Variants in OTUD7A observed in about 807,000 individuals in gnomAD.
The protein encoded by OTUD7A is OTU deubiquitinase 7A, also known as OTU domain-containing protein 7A.
OTUD7A carries 12 observed loss-of-function variants against 65.7 expected under a neutral mutation model. That is an observed-to-expected ratio of 0.18 (90% CI 0.12 to 0.30). OTUD7A has a LOEUF of 0.30. OTUD7A is among the 10% of genes least tolerant of loss of function. The pLI is 1.00. For missense variants in OTUD7A, 1,148 were observed against 1,304.8 expected (o/e 0.88, Z 1.85); for synonymous variants, 641 against 586.3 (o/e 1.09, Z -1.35).
Position 31,792,437 on chromosome 15 carries a change from T to G in OTUD7A, c.-100+78070A>C, listed in dbSNP as rs542032571. Among the ~76,000 whole-genome samples, 8 of 152,190 alleles carry G rather than the reference T, an allele frequency of 5.3e-5. No individual in the cohort carries two copies. The South Asian group carries it at 1.7e-3, about 32-fold the overall frequency. On this transcript the variant is annotated intron_variant, in intron 1 of 12. Coordinates refer to ENST00000307050, the MANE Select transcript of OTUD7A (RefSeq NM_001382637.1). The stretch of plus-strand genomic sequence containing the variant: ...TGCTCCAGTCCTGCCGCCCTCTCCA[T>G]AGCATCCCTTGCCCTCCCCTCTCCC...
At chr15:31,735,768 C>T (rs1207229120) in intron 1 of OTUD7A, among the ~76,000 whole-genome samples, 1 of 152,138 alleles carries the variant, frequency 6.6e-6, no homozygotes, top group Admixed American at 6.5e-5. Context: ...CCTATATGTT[C>T]ATTAAAGCAC....
chr15:31,603,874 C>A (rs904612451), intron 3 of OTUD7A, among the ~76,000 whole-genome samples: 1 of 152,070 alleles, frequency 6.6e-6, no homozygotes, highest in Non-Finnish European at 1.5e-5. Flanking sequence ...TAGAGAAATG[C>A]AAATCAAAAC....
chr15:31,784,901 G>A (rs1254365724), intron 1 of OTUD7A, among the ~76,000 whole-genome samples: 1 of 152,220 alleles, frequency 6.6e-6, no homozygotes, highest in Admixed American at 6.5e-5. Context: ...AGGGGAAGGT[G>A]TGGAGGCAGA....
At chr15:31,722,843 G>A (rs1595727657) in intron 1 of OTUD7A, among the ~76,000 whole-genome samples, 1 of 152,362 alleles carries the variant, frequency 6.6e-6, no homozygotes, top group East Asian at 1.9e-4. Flanking sequence ...TACACACAGA[G>A]GCCATGGGAT....
chr15:31,805,636 CA>C (rs1896250091), intron 1 of OTUD7A, among the ~76,000 whole-genome samples: 1 of 152,202 alleles, frequency 6.6e-6, no homozygotes, highest in Non-Finnish European at 1.5e-5. Flanking sequence ...CCACTGACAT[CA>C]CATTCAGTGC....
intron 1 of OTUD7A, among the ~76,000 whole-genome samples, chr15:31,747,845 C>A (rs1267978675): frequency 1.3e-5 from 2 of 152,166 alleles, no homozygotes; most frequent in African/African-American, 4.8e-5. Context: ...CACCATACGC[C>A]TTTTTGATGC....
rs114879309 is a variant in OTUD7A at position 31,562,626 on chromosome 15, C to G, written c.332-3439G>C. 3.9e-3 allele frequency among the ~76,000 whole-genome samples: 593 copies of G among 151,996 alleles called. 6 individuals are homozygous for G. The highest frequency in any genetic ancestry group is 0.014 in the African/African-American group (563 of 41,486). ...AAAAAAACAACTTCCACCTTCATGA[C>G]AGTCATTTCTGTGTCTGCGTGTCTT... On this transcript the variant is annotated intron_variant, in intron 4 of 12. Coordinates refer to ENST00000307050, the MANE Select transcript of OTUD7A (RefSeq NM_001382637.1).
At chr15:31,579,233 C>T (rs150642033) in intron 3 of OTUD7A, among the ~76,000 whole-genome samples, 194 of 152,296 alleles carry the variant, frequency 1.3e-3, no homozygotes, top group African/African-American at 4.3e-3. Context: ...GCAGCAGGCC[C>T]ACAGTGCAGG....
At chr15:31,563,142 A>G (rs1260985783) in intron 4 of OTUD7A, among the ~76,000 whole-genome samples, 1 of 152,176 alleles carries the variant, frequency 6.6e-6, no homozygotes, top group African/African-American at 2.4e-5. Flanking sequence ...GATTCTGCCA[A>G]TCTCTCTGGT....
intron 4 of OTUD7A, among the ~76,000 whole-genome samples, chr15:31,569,577 T>C (rs1259958635): frequency 6.6e-6 from 1 of 152,228 alleles, no homozygotes; most frequent in Non-Finnish European, 1.5e-5. Context: ...TATCTCTGTA[T>C]TGTTTCCTTT....
At chr15:31,655,064 T>C (rs756367493) in intron 3 of OTUD7A, 32 bp downstream of exon 3, 1 of 1,608,224 alleles carries the variant, frequency 6.2e-7, no homozygotes, top group Non-Finnish European at 8.5e-7. Context: ...ATGCCCAGAA[T>C]GGTGGTGTGG....
chr15:31,727,558 T>C (rs888942266), intron 1 of OTUD7A, among the ~76,000 whole-genome samples: 1 of 152,230 alleles, frequency 6.6e-6, no homozygotes, highest in African/African-American at 2.4e-5. Flanking sequence ...GGAACTGTCA[T>C]CTCACCACAC....
chr15:31,659,014 A>C (rs1012702715), intron 1 of OTUD7A, among the ~76,000 whole-genome samples: 3 of 81,948 alleles, frequency 3.7e-5, no homozygotes, highest in African/African-American at 1.6e-4. Flanking sequence ...CCTGGGCATG[A>C]ATGAATGAAT....
intron 1 of OTUD7A, among the ~76,000 whole-genome samples, chr15:31,752,296 GT>G (rs34181402): frequency 0.051 from 7,788 of 152,240 alleles, 435 homozygotes; most frequent in African/African-American, 0.14. Context: ...AAACTATGTT[GT>G]TTTGGATGAC....
At chr15:31,765,769 G>A (rs189078208) in intron 1 of OTUD7A, 5 of 1,334,320 alleles carry the variant, frequency 3.7e-6, no homozygotes, top group Non-Finnish European at 5.3e-6. Context: ...CAGAACTTTG[G>A]TTTTCTTAAA....
chr15:31,790,528 G>A (rs184987085), intron 1 of OTUD7A, among the ~76,000 whole-genome samples: 3 of 152,070 alleles, frequency 2.0e-5, no homozygotes, highest in Non-Finnish European at 4.4e-5. Context: ...AAGAGAAAGA[G>A]ATTAAATAGA....
chr15:31,637,763 G>A (rs1891386668), intron 3 of OTUD7A, among the ~76,000 whole-genome samples: 1 of 152,186 alleles, frequency 6.6e-6, no homozygotes, highest in South Asian at 2.1e-4. Flanking sequence ...TGACTTTGTG[G>A]GGTCCAAGAC....
chr15:31,735,533 CAA>C (rs71113418), intron 1 of OTUD7A, among the ~76,000 whole-genome samples: 7 of 134,676 alleles, frequency 5.2e-5, no homozygotes, highest in Admixed American at 7.2e-5. Flanking sequence ...AACTCTGTCT[CAA>C]AAAAAAAAAA....
rs148438548 is a variant in OTUD7A at position 31,667,443 on chromosome 15, C to G, written c.-99-10366G>C. Reference sequence around the variant, plus strand: ...TTTGTTTTGCCTGATATAAGAATAGCTACTGCTGCTTGCTTTTGGTGTCCA... The same window carrying G: ...TTTGTTTTGCCTGATATAAGAATAGGTACTGCTGCTTGCTTTTGGTGTCCA... On this transcript the variant is annotated intron_variant, in intron 1 of 12. Transcript: ENST00000307050. Among the ~76,000 whole-genome samples the G allele has an allele frequency of 5.2e-3, 785 of 152,288 alleles. 7 individuals are homozygous for G. The highest frequency in any genetic ancestry group is 0.017 in the African/African-American group (700 of 41,554).
Sources: allele counts gnomAD v4.1 joint callset (sites outside exome capture counted in the v4.1 genomes callset), GRCh38; gene constraint gnomAD v4.1.1; transcripts MANE v1.5; gene names NCBI Gene and HGNC (gene_info 2026-07-23, HGNC 2026-07-21).